POGZ: variants seen among roughly 807,000 people sequenced by gnomAD.
POGZ encodes the protein pogo transposable element derived with ZNF domain, also known as pogo transposable element with ZNF domain.
In POGZ, 17 loss-of-function variants were observed where a neutral mutation model predicts 134.6. The ratio of observed to expected loss-of-function variants is 0.13; its 90% CI spans 0.09 to 0.19. The LOEUF is 0.19. POGZ is among the 10% of genes least tolerant of loss of function. The pLI, the probability that POGZ is intolerant of heterozygous loss-of-function variation, is 1.00. For missense variants in POGZ, 1,306 were observed against 1,769.7 expected (o/e 0.74, Z 4.70); for synonymous variants, 693 against 657.1 (o/e 1.05, Z -0.84).
At chr1:151,452,010 T>C (rs1477287511) in intron 1 of POGZ, among the ~76,000 whole-genome samples, 3 of 149,782 alleles carry the variant, frequency 2.0e-5, no homozygotes, top group East Asian at 2.0e-4. Flanking sequence ...GACAGGAGAA[T>C]TGCTTGAACC....
intron 5 of POGZ, 126 bp from the exon 6 acceptor site, chr1:151,428,539 G>C: frequency 1.2e-6 from 1 of 838,240 alleles, no homozygotes; most frequent in Non-Finnish European, 1.9e-6. Context: ...TCCAAGAGGA[G>C]TATAGATTCT....
Position 151,406,328 on chromosome 1 carries a change from G to A in POGZ, c.2707C>T (p.Pro903Ser). The change falls in exon 19 of 19, where the codon CCC becomes TCC. Residue 903 changes from proline (P) to serine (S), a missense_variant. Transcript: ENST00000271715. Reference protein sequence around the residue: ...TPAEPEELLTPLAPALPSPAS... With the variant: ...TPAEPEELLTSLAPALPSPAS... ...GGTGATGGGAGTGCTGGGGCTAAGG[G>A]AGTTAGTAGCTCTTCAGGCTCAGCT... The A allele has an allele frequency of 6.2e-7, 1 of 1,608,574 alleles. No individual in the cohort carries two copies. Among genetic ancestry groups the A allele is most frequent in the South Asian group, 1.1e-5 (1 of 90,072 alleles).
chr1:151,413,941 A>G (rs781399451), intron 10 of POGZ, among the ~76,000 whole-genome samples: 65 of 152,342 alleles, frequency 4.3e-4, no homozygotes, highest in Non-Finnish European at 7.3e-4. Context: ...TTTCTCTGAA[A>G]TTATTTGCAA....
At chr1:151,442,902 G>C (rs1048986067) in intron 1 of POGZ, among the ~76,000 whole-genome samples, 1 of 149,420 alleles carries the variant, frequency 6.7e-6, no homozygotes, top group Non-Finnish European at 1.5e-5. Flanking sequence ...GCTGGCAGGC[G>C]CCTGTAATCC....
intron 10 of POGZ, among the ~76,000 whole-genome samples, chr1:151,419,039 A>AAAAAAAAG (rs1203059745): frequency 7.4e-5 from 11 of 149,428 alleles, no homozygotes; most frequent in African/African-American, 2.7e-4. Flanking sequence ...AAAAAAAAAA[A>AAAAAAAAG]AAAAAAAGAA....
At chr1:151,455,768 T>C (rs189919895) in intron 1 of POGZ, among the ~76,000 whole-genome samples, 17 of 152,364 alleles carry the variant, frequency 1.1e-4, no homozygotes, top group South Asian at 2.1e-4. Context: ...ATTCAGTCTG[T>C]TGCTATATGT....
chr1:151,431,042 T>C (rs1658613806), intron 3 of POGZ, among the ~76,000 whole-genome samples: 1 of 151,992 alleles, frequency 6.6e-6, no homozygotes, highest in Non-Finnish European at 1.5e-5. Flanking sequence ...CTCAGGTGAT[T>C]CTTCCACCTC....
chr1:151,456,740 G>C (rs915108057), intron 1 of POGZ, among the ~76,000 whole-genome samples: 1 of 152,170 alleles, frequency 6.6e-6, no homozygotes, highest in Non-Finnish European at 1.5e-5. Flanking sequence ...ATCGCCTGAG[G>C]TCCGGAGTTC....
In POGZ at chr1:151,408,571, C is replaced by T; in HGVS notation, c.2072G>A (p.Arg691Gln). The change falls in exon 14 of 19, where the codon CGG becomes CAG. Residue 691 changes from arginine (R) to glutamine (Q), a missense_variant. Transcript: ENST00000271715. Reference protein sequence around the residue: ...GLKPGTKVTIRASRGQPRTVP... With the variant: ...GLKPGTKVTIQASRGQPRTVP... ...AGTTCGTGGCTGCCCTCGGGAAGCC[C>T]GGATTGTCACCTGAGAACCAAGGGA... is the stretch of plus-strand genomic sequence containing the variant. The T allele has an allele frequency of 1.9e-6, 3 of 1,610,528 alleles. No homozygotes were observed. Among genetic ancestry groups the T allele is most frequent in the Non-Finnish European group, 2.5e-6 (3 of 1,179,126 alleles).
Position 151,404,261 on chromosome 1 carries a change from G to A in POGZ, c.*541C>T. ...TATATAAAAGTGTTAAGACCACAAT[G>A]AAAAAAGTTTTTTATCCATATATAT... On this transcript the variant is annotated 3_prime_UTR_variant, in exon 19 of 19. Coordinates refer to ENST00000271715, the MANE Select transcript of POGZ (RefSeq NM_015100.4). 1.0e-6 allele frequency: 1 copy of A among 983,450 alleles called. No individual in the cohort carries two copies. The highest frequency in any genetic ancestry group is 1.2e-6 in the Non-Finnish European group (1 of 827,860). The allele number at this position is 983,450 out of a possible 1,614,324, so 60.9% of individuals were successfully genotyped here.
Position 151,408,554 on chromosome 1 carries a change from G to A in POGZ, c.2089C>T (p.Pro697Ser). The A allele has an allele frequency of 6.2e-7, 1 of 1,610,330 alleles. No homozygotes were observed. The highest frequency in any genetic ancestry group is 8.5e-7 in the Non-Finnish European group (1 of 1,179,096). Residue 697 changes from proline to serine, a missense_variant, in exon 14 of 19, where the codon CCA (proline) becomes TCA (serine). Physicochemically the swap from Pro to Ser is moderately conservative, Grantham distance 74. Coordinates refer to ENST00000271715, the MANE Select transcript of POGZ (RefSeq NM_015100.4). The stretch of plus-strand genomic sequence containing the variant: ...TTAGAGGATACAGGAACAGTTCGTG[G>A]CTGCCCTCGGGAAGCCCGGATTGTC... ...KVTIRASRGQ[P>S]RTVPVSSNDT...
chr1:151,458,543 C>A (rs1663051003), intron 1 of POGZ, among the ~76,000 whole-genome samples: 1 of 151,540 alleles, frequency 6.6e-6, no homozygotes, highest in Admixed American at 6.6e-5. Flanking sequence ...GCGCCCCACT[C>A]CTTCTCGGAG....
intron 3 of POGZ, among the ~76,000 whole-genome samples, chr1:151,438,415 C>T (rs893343647): frequency 4.6e-5 from 7 of 151,574 alleles, no homozygotes; most frequent in East Asian, 1.9e-4. Flanking sequence ...TTTTCATGAA[C>T]ATGGGTTATG....
chr1:151,419,691 A>AAC (rs1656544609), intron 10 of POGZ, among the ~76,000 whole-genome samples: 2 of 150,426 alleles, frequency 1.3e-5, no homozygotes, highest in Non-Finnish European at 3.0e-5. Context: ...AAAAAAAAAA[A>AAC]AAAACTACTT....
chr1:151,442,450 CT>C (rs1660682759), intron 1 of POGZ: 4 of 279,186 alleles, frequency 1.4e-5, no homozygotes, highest in Admixed American at 5.2e-5. Flanking sequence ...TGGCTCCCAC[CT>C]GTAATCCCAA....
In POGZ at chr1:151,406,239, C is replaced by A; in HGVS notation, c.2796G>T (p.Leu932=). The A allele has an allele frequency of 6.2e-7, 1 of 1,614,078 alleles. No homozygotes were observed. Among genetic ancestry groups the A allele is most frequent in the Non-Finnish European group, 8.5e-7 (1 of 1,180,006 alleles). ...THPQALALPP[L]ATEGAECLNV... Reference sequence around the variant, plus strand: ...TCAGACATTCGGCTCCCTCTGTAGCCAGCGGTGGAAGGGCTAAAGCCTGCG... The same window carrying A: ...TCAGACATTCGGCTCCCTCTGTAGCAAGCGGTGGAAGGGCTAAAGCCTGCG... The change falls in exon 19 of 19, where the codon CTG becomes CTT. Residue 932 remains leucine (L), a synonymous_variant. Coordinates refer to ENST00000271715, the MANE Select transcript of POGZ (RefSeq NM_015100.4).
At chr1:151,432,202 A>G (rs1385880526) in intron 3 of POGZ, among the ~76,000 whole-genome samples, 1 of 152,024 alleles carries the variant, frequency 6.6e-6, no homozygotes, top group Non-Finnish European at 1.5e-5. Flanking sequence ...AACAAGAAAC[A>G]AAAAACCAAA....
At chr1:151,453,623 T>C (rs1662416559) in intron 1 of POGZ, among the ~76,000 whole-genome samples, 1 of 152,200 alleles carries the variant, frequency 6.6e-6, no homozygotes, top group Non-Finnish European at 1.5e-5. Flanking sequence ...TTTGTAGTAA[T>C]TGTAACATGA....
At chr1:151,414,896 A>C (rs1475361996) in intron 10 of POGZ, among the ~76,000 whole-genome samples, 1 of 152,228 alleles carries the variant, frequency 6.6e-6, no homozygotes, top group African/African-American at 2.4e-5. Context: ...TCAGTTCTAC[A>C]GGGGAAGGAG....
Sources: allele counts gnomAD v4.1 joint callset (sites outside exome capture counted in the v4.1 genomes callset), GRCh38; gene constraint gnomAD v4.1.1; transcripts MANE v1.5; gene names NCBI Gene and HGNC (gene_info 2026-07-23, HGNC 2026-07-21).